The following DIP2C variants were observed in gnomAD, a reference collection of about 807,000 sequenced individuals.
DIP2C encodes DIP2 acetate--CoA ligase C (putative).
Under a neutral mutation model 192.4 loss-of-function variants are expected in DIP2C, and 33 were observed. The observed-to-expected ratio is 0.17, with a 90% CI of 0.13 to 0.23. The LOEUF (loss-of-function observed/expected upper bound fraction) is 0.23, where lower values mean the gene tolerates loss of function less well. Among genes scored for constraint, DIP2C ranks in the 10% least tolerant of loss-of-function variants. The pLI, the probability that DIP2C is intolerant of heterozygous loss-of-function variation, is 1.00. For missense variants in DIP2C, 1,537 were observed against 2,110.1 expected (o/e 0.73, Z 5.32); for synonymous variants, 979 against 864.1 (o/e 1.13, Z -2.33).
chr10:378,846 CAT>C (rs962072767), intron 17 of DIP2C, among the ~76,000 whole-genome samples: 1 of 152,034 alleles, frequency 6.6e-6, no homozygotes, highest in Non-Finnish European at 1.5e-5. Context: ...AACAGACATG[CAT>C]AGACACATGT....
chr10:340,208 T>C (rs1211170312), intron 29 of DIP2C, among the ~76,000 whole-genome samples: 2 of 151,354 alleles, frequency 1.3e-5, no homozygotes, highest in African/African-American at 4.9e-5. Flanking sequence ...AGATCCACTA[T>C]AAATTTTGAG....
chr10:292,596 T>C (rs114970441), intron 32 of DIP2C, among the ~76,000 whole-genome samples: 1 of 152,330 alleles, frequency 6.6e-6, no homozygotes, highest in African/African-American at 2.4e-5. Flanking sequence ...GCTGAAGCCC[T>C]GATGGCGCCG....
chr10:320,013 C>A (rs960510296), intron 31 of DIP2C, among the ~76,000 whole-genome samples: 5 of 152,126 alleles, frequency 3.3e-5, no homozygotes, highest in African/African-American at 1.2e-4. Flanking sequence ...CCCCAGACTT[C>A]CTATTTGAGA....
chr10:390,614 C>T (rs1963386484), intron 11 of DIP2C, 126 bp downstream of exon 11: 1 of 1,476,042 alleles, frequency 6.8e-7, no homozygotes, highest in African/African-American at 1.4e-5. Flanking sequence ...CGCGTGAAAA[C>T]TCGTGGGTCT....
intron 1 of DIP2C, among the ~76,000 whole-genome samples, chr10:493,508 T>G (rs894206014): frequency 6.6e-6 from 1 of 152,154 alleles, no homozygotes; most frequent in Non-Finnish European, 1.5e-5. Context: ...TATTTCCAGC[T>G]GGACATCGAG....
chr10:543,373 G>T (rs1037698295), intron 1 of DIP2C, among the ~76,000 whole-genome samples: 2 of 152,234 alleles, frequency 1.3e-5, no homozygotes, highest in Non-Finnish European at 2.9e-5. Flanking sequence ...GAGCTGTGCA[G>T]GGAGATCTAA....
chr10:420,455 C>T (rs559269127), intron 5 of DIP2C, among the ~76,000 whole-genome samples: 1 of 152,198 alleles, frequency 6.6e-6, no homozygotes, highest in South Asian at 2.1e-4. Context: ...GTCAGTGCCA[C>T]GACATTCCAC....
In DIP2C at chr10:607,507, C is replaced by T. The variant is rs575650237; in HGVS notation, c.85+81987G>A. On this transcript the variant is annotated intron_variant, in intron 1 of 36. Coordinates refer to ENST00000280886, the MANE Select transcript of DIP2C (RefSeq NM_014974.3). ...AATGGTATCTATGAGATCGTCTCTA[C>T]CTTTATGAGCACGTATGCTCCCTGA... Among the ~76,000 whole-genome samples, 97 of 152,336 alleles carry T rather than the reference C, an allele frequency of 6.4e-4. 2 individuals are homozygous for T. The highest frequency in any genetic ancestry group is 2.0e-3 in the African/African-American group (82 of 41,570).
chr10:544,291 G>A (rs550222622), intron 1 of DIP2C, among the ~76,000 whole-genome samples: 8 of 152,242 alleles, frequency 5.3e-5, no homozygotes, highest in South Asian at 4.2e-4. Flanking sequence ...TCCTTTTTAC[G>A]GCTGAGTGAT....
At chr10:412,183 A>C (rs147295808) in intron 8 of DIP2C, among the ~76,000 whole-genome samples, 164 of 152,346 alleles carry the variant, frequency 1.1e-3, no homozygotes, top group African/African-American at 3.7e-3. Context: ...TCGACATCAG[A>C]AGCCCCGTGA....
intron 1 of DIP2C, among the ~76,000 whole-genome samples, chr10:490,732 C>T (rs1271276290): frequency 2.0e-5 from 3 of 152,152 alleles, no homozygotes; most frequent in African/African-American, 4.8e-5. Context: ...AATAAGTGAT[C>T]TCTTTAGAAA....
At chr10:606,962 A>T (rs1438134999) in intron 1 of DIP2C, among the ~76,000 whole-genome samples, 1 of 152,012 alleles carries the variant, frequency 6.6e-6, no homozygotes, top group Non-Finnish European at 1.5e-5. Flanking sequence ...CACACCCCAA[A>T]CCCAAGTCCC....
At chr10:523,371 GTGT>G (rs1846842207) in intron 1 of DIP2C, among the ~76,000 whole-genome samples, 1 of 141,246 alleles carries the variant, frequency 7.1e-6, no homozygotes, top group African/African-American at 2.9e-5. Flanking sequence ...CAGGGACTCT[GTGT>G]CACCCACACA....
chr10:626,994 T>C (rs1346738757), intron 1 of DIP2C, among the ~76,000 whole-genome samples: 1 of 152,150 alleles, frequency 6.6e-6, no homozygotes, highest in South Asian at 2.1e-4. Flanking sequence ...TTGTGCCTTT[T>C]AGGAAAACCT....
chr10:651,572 A>G lies in DIP2C; in HGVS notation c.85+37922T>C. The G allele has an allele frequency of 2.5e-6, 1 of 403,616 alleles. No homozygotes were observed. The highest frequency in any genetic ancestry group is 3.6e-5 in the Admixed American group (1 of 27,960). The allele number at this position is 403,616 out of a possible 1,614,324, so 25.0% of individuals were successfully genotyped here. A position where few individuals can be genotyped will look rare whatever the true frequency, so the allele number is the denominator to read the frequency against. ...AGTGCCTTTCCAGTTAAATGTTGTT[A>G]AGCAGTATTTCCCCCAAAAGGTGCA... On this transcript the variant is annotated intron_variant, in intron 1 of 36. Transcript: ENST00000280886. The surrounding 1 kb of genome is among the most constrained non-coding windows in gnomAD (Gnocchi z 4.1).
intron 1 of DIP2C, among the ~76,000 whole-genome samples, chr10:508,079 A>AC (rs1304804766): frequency 1.3e-5 from 2 of 151,942 alleles, no homozygotes; most frequent in Admixed American, 6.6e-5. Flanking sequence ...GCTCCTGATG[A>AC]CCCAGCACCT....
chr10:485,334 G>A (rs1843935845), intron 2 of DIP2C, among the ~76,000 whole-genome samples: 1 of 152,216 alleles, frequency 6.6e-6, no homozygotes, highest in South Asian at 2.1e-4. Flanking sequence ...TGAGGGAGGG[G>A]GCGCAGGCCA....
intron 1 of DIP2C, among the ~76,000 whole-genome samples, chr10:614,390 G>T (rs1268949029): frequency 6.6e-6 from 1 of 152,234 alleles, no homozygotes; most frequent in African/African-American, 2.4e-5. Context: ...TCTGCACACA[G>T]TACCCAAGTC....
At chr10:606,751 TAAAG>T (rs1852515065) in intron 1 of DIP2C, among the ~76,000 whole-genome samples, 1 of 152,194 alleles carries the variant, frequency 6.6e-6, no homozygotes, top group African/African-American at 2.4e-5. Flanking sequence ...AAACCCCTCT[TAAAG>T]AACGTTTCTA....
Sources: allele counts gnomAD v4.1 joint callset (sites outside exome capture counted in the v4.1 genomes callset), GRCh38; gene constraint gnomAD v4.1.1; non-coding constraint Gnocchi (gnomAD v3.1); transcripts MANE v1.5; gene names NCBI Gene and HGNC (gene_info 2026-07-23, HGNC 2026-07-21).